PIGV: variants seen among roughly 807,000 people sequenced by gnomAD.
PIGV encodes the protein phosphatidylinositol glycan anchor biosynthesis class V.
PIGV carries 27 observed loss-of-function variants against 39.2 expected under a neutral mutation model. The ratio of observed to expected loss-of-function variants is 0.69; its 90% confidence interval spans 0.51 to 0.95. The LOEUF (loss-of-function observed/expected upper bound fraction) is 0.95. Ranked by LOEUF, PIGV falls within the 40% of genes least tolerant of loss-of-function variation. The pLI, the probability that PIGV is intolerant of heterozygous loss-of-function variation, is 0.00. For synonymous variants in PIGV, 232 were observed against 241.7 expected (o/e 0.96, Z 0.37); for missense variants, 523 against 586.4 (o/e 0.89, Z 1.12).
At position 26,799,223 on chromosome 1, in the gene PIGV, G is replaced by A. The variant is rs534477370; in HGVS notation, c.*1379G>A. ...GGTGCCTGTTGTGCCGTTCTCAGATGCCTGCTTACTTGATCAGTAGACATG... is the reference window on the plus strand; with the variant it reads ...GGTGCCTGTTGTGCCGTTCTCAGATACCTGCTTACTTGATCAGTAGACATG... On this transcript the variant is annotated 3_prime_UTR_variant, in exon 4 of 4. Transcript: ENST00000674202. 6.6e-6 allele frequency among the ~76,000 whole-genome samples: 1 copy of A among 152,334 alleles called. No homozygotes were observed. The highest frequency in any genetic ancestry group is 2.1e-4 in the South Asian group (1 of 4,822).
intron 3 of PIGV, 124 bp from the exon 4 acceptor site, chr1:26,797,439 G>T: frequency 1.2e-6 from 1 of 806,430 alleles, no homozygotes; most frequent in South Asian, 1.4e-5. Flanking sequence ...TTCTTTTCCA[G>T]TGTAATACAT....
chr1:26,796,123 G>T (rs1570646848), intron 3 of PIGV, among the ~76,000 whole-genome samples: 1 of 150,600 alleles, frequency 6.6e-6, no homozygotes, highest in African/African-American at 2.4e-5. Context: ...TCCTCCTAAA[G>T]TGCTGGGATT....
Position 26,797,699 on chromosome 1 carries a change from G to A in PIGV, c.1337G>A (p.Gly446Glu). Residue 446 changes from glycine to glutamate, a missense_variant, in exon 4 of 4, where the codon GGA (glycine) becomes GAA (glutamate). Coordinates refer to ENST00000674202, the MANE Select transcript of PIGV (RefSeq NM_017837.4). ...CCTCTTGCAGAGGACTCCCCACCAGGACAAAAGGTCCCCAGAAATCCTATC... is the reference window on the plus strand; with the variant it reads ...CCTCTTGCAGAGGACTCCCCACCAGAACAAAAGGTCCCCAGAAATCCTATC... ...WKPLAEDSPP[G>E]QKVPRNPIMG... 6.2e-7 allele frequency: 1 copy of A among 1,614,160 alleles called. No homozygotes were observed. The highest frequency in any genetic ancestry group is 8.5e-7 in the Non-Finnish European group (1 of 1,180,028).
intron 2 of PIGV, 81 bp downstream of exon 2, chr1:26,790,974 C>G (rs2081301316): frequency 8.5e-7 from 1 of 1,173,406 alleles, no homozygotes; most frequent in African/African-American, 1.5e-5. Context: ...CATCTCCTTT[C>G]CACCTCTCAG....
intron 3 of PIGV, among the ~76,000 whole-genome samples, chr1:26,795,608 G>C (rs1327227501): frequency 6.7e-6 from 1 of 150,346 alleles, no homozygotes; most frequent in East Asian, 2.0e-4. Flanking sequence ...CTACTCAGAA[G>C]GCTGAGGCAG....
In PIGV at chr1:26,797,850, A is replaced by C. The variant is rs778147809; in HGVS notation, c.*6A>C. 10 of 1,613,744 alleles carry C rather than the reference A, an allele frequency of 6.2e-6. No homozygotes were observed. Among genetic ancestry groups the C allele is most frequent in the Non-Finnish European group, 7.6e-6 (9 of 1,179,782 alleles). Reference sequence around the variant, plus strand: ...ACTTCCTGCCTTGGACATGACCTGGACTCTCCAGGGACAGGTTGGAAGCCA... The same window carrying C: ...ACTTCCTGCCTTGGACATGACCTGGCCTCTCCAGGGACAGGTTGGAAGCCA... On this transcript the variant is annotated 3_prime_UTR_variant, in exon 4 of 4. Transcript: ENST00000674202.
rs2081426025 is a variant in PIGV, at chr1:26,799,328, C to T, written c.*1484C>T. On this transcript the variant is annotated 3_prime_UTR_variant, in exon 4 of 4. Transcript: ENST00000674202. ...GTGGAATGAAATGGTATCTGCCCTG[C>T]TTCCTGGCCCCCGTTTGGTCATGAG... 6.6e-6 allele frequency among the ~76,000 whole-genome samples: 1 copy of T among 152,222 alleles called. No homozygotes were observed. The highest frequency in any genetic ancestry group is 2.4e-5 in the African/African-American group (1 of 41,458).
chr1:26,790,371 A>G (rs1236814077), intron 1 of PIGV, among the ~76,000 whole-genome samples: 2 of 152,136 alleles, frequency 1.3e-5, no homozygotes, highest in East Asian at 3.8e-4. Flanking sequence ...ATTTTGTGAG[A>G]TAGGAAAAAA....
chr1:26,794,194 C>A lies in PIGV; in HGVS notation c.160C>A (p.Gln54Lys). 1 of 1,614,200 alleles carries A rather than the reference C, an allele frequency of 6.2e-7. No individual in the cohort carries two copies. Among genetic ancestry groups the A allele is most frequent in the South Asian group, 1.1e-5 (1 of 91,088 alleles). The change falls in exon 3 of 4, where the codon CAA becomes AAA. Residue 54 changes from glutamine (Q) to lysine (K), a missense_variant. By Grantham distance (53) the Gln-to-Lys change is moderately conservative. Coordinates refer to ENST00000674202, the MANE Select transcript of PIGV (RefSeq NM_017837.4). ...PRLAPSGFVD[Q>K]LVEGLLGGLS... ...CCTGGCCCCCTCAGGCTTTGTGGAC[C>A]AACTCGTGGAAGGTCTTCTGGGCGG...
rs2081408634 is a variant in PIGV, at chr1:26,797,916, C to T, written c.*72C>T. Reference sequence around the variant, plus strand: ...CTGAAAGTAAAAATACACATTGGAACTGCCTCTGCTGCCCTGGGATCATTA... The same window carrying T: ...CTGAAAGTAAAAATACACATTGGAATTGCCTCTGCTGCCCTGGGATCATTA... On this transcript the variant is annotated 3_prime_UTR_variant, in exon 4 of 4. Coordinates refer to ENST00000674202, the MANE Select transcript of PIGV (RefSeq NM_017837.4). 1 of 1,203,690 alleles carries T rather than the reference C, an allele frequency of 8.3e-7. No homozygotes were observed. The highest frequency in any genetic ancestry group is 1.2e-6 in the Non-Finnish European group (1 of 808,414). The allele number at this position is 1,203,690 out of a possible 1,614,324, so 74.6% of individuals were successfully genotyped here. A position where few individuals can be genotyped will look rare whatever the true frequency, so the allele number is the denominator to read the frequency against.
intron 2 of PIGV, among the ~76,000 whole-genome samples, 195 bp downstream of exon 2, chr1:26,791,088 A>G (rs2081302666): frequency 6.6e-6 from 1 of 152,118 alleles, no homozygotes; most frequent in African/African-American, 2.4e-5. Context: ...TTTACCCATG[A>G]AGCAGCAGAG....
At chr1:26,795,567 C>T (rs992224482) in intron 3 of PIGV, among the ~76,000 whole-genome samples, 7 of 151,556 alleles carry the variant, frequency 4.6e-5, no homozygotes, top group African/African-American at 7.3e-5. Context: ...AAAAATTAGC[C>T]GGGCGTGGTG....
chr1:26,792,006 T>C (rs1356534843), intron 2 of PIGV, among the ~76,000 whole-genome samples: 1 of 152,228 alleles, frequency 6.6e-6, no homozygotes, highest in Non-Finnish European at 1.5e-5. Context: ...GGTGGTAATT[T>C]TGGAAACAGT....
intron 2 of PIGV, among the ~76,000 whole-genome samples, chr1:26,791,680 T>C (rs35615194): frequency 0.069 from 10,479 of 152,190 alleles, 401 homozygotes; most frequent in Non-Finnish European, 0.079. Flanking sequence ...CTCTCTCCTT[T>C]CCCACTACAT....
Position 26,790,838 on chromosome 1 carries a change from G to T in PIGV, c.23G>T (p.Arg8Leu), listed in dbSNP as rs368673102. The stretch of plus-strand genomic sequence containing the variant: ...AGGATGTGGCCCCAGGACCCATCCC[G>T]GAAGGAGGTGCTGAGGTTTGCAGTC... MWPQDPS[R>L]KEVLRFAVSC... The change falls in exon 2 of 4, where the codon CGG becomes CTG. Residue 8 changes from arginine to leucine, a missense_variant. By Grantham distance (102) the Arg-to-Leu change is moderately radical. Coordinates refer to ENST00000674202, the MANE Select transcript of PIGV (RefSeq NM_017837.4). 101 of 1,613,982 alleles carry T rather than the reference G, an allele frequency of 6.3e-5. No individual in the cohort carries two copies. The highest frequency in any genetic ancestry group is 8.4e-5 in the Non-Finnish European group (99 of 1,179,978).
At position 26,798,019 on chromosome 1, in the gene PIGV, C is replaced by T. The variant is rs560522630; in HGVS notation, c.*175C>T. On this transcript the variant is annotated 3_prime_UTR_variant, in exon 4 of 4. Transcript: ENST00000674202. ...AGAAGTGTCAGACACTAGAGAGCCC[C>T]TTCTGGTCCTGGCTAGGGCAAATTT... is the stretch of plus-strand genomic sequence containing the variant. 1.3e-5 allele frequency: 9 copies of T among 667,366 alleles called. No homozygotes were observed. The East Asian group carries it at 2.5e-4, about 18-fold the overall frequency. The allele number at this position is 667,366 out of a possible 1,614,324, so 41.3% of individuals were successfully genotyped here.
Position 26,794,605 on chromosome 1 carries a change from A to T in PIGV, c.571A>T (p.Thr191Ser), listed in dbSNP as rs2081355437. 6.2e-7 allele frequency: 1 copy of T among 1,614,072 alleles called. No homozygotes were observed. Among genetic ancestry groups the T allele is most frequent in the African/African-American group, 1.3e-5 (1 of 74,928 alleles). Reference sequence around the variant, plus strand: ...GCAGCTGGAGAGGGGCCGAGTCTGGACTAGTGTACTCCTCTTTGCCTTTGC... The same window carrying T: ...GCAGCTGGAGAGGGGCCGAGTCTGGTCTAGTGTACTCCTCTTTGCCTTTGC... ...MGQLERGRVW[T>S]SVLLFAFATG... The change falls in exon 3 of 4, where the codon ACT (threonine) becomes TCT (serine). Residue 191 changes from threonine to serine, a missense_variant. Coordinates refer to ENST00000674202, the MANE Select transcript of PIGV (RefSeq NM_017837.4).
At chr1:26,791,024 CT>C in intron 2 of PIGV, 131 bp downstream of exon 2, 1 of 735,230 alleles carries the variant, frequency 1.4e-6, no homozygotes, top group East Asian at 2.6e-5. Context: ...GAGACATAGA[CT>C]TTAGAGCTGA....
upstream of PIGV, chr1:26,787,489 TG>T (rs1443756476): frequency 6.6e-6 from 1 of 152,364 alleles, no homozygotes; most frequent in Non-Finnish European, 1.5e-5. Flanking sequence ...GGACGCAGGG[TG>T]CCGCTGCCGG....
Sources: allele counts gnomAD v4.1 joint callset (sites outside exome capture counted in the v4.1 genomes callset), GRCh38; gene constraint gnomAD v4.1.1; transcripts MANE v1.5; gene names NCBI Gene and HGNC (gene_info 2026-07-23, HGNC 2026-07-21).